TTC7B: variants seen among roughly 807,000 people sequenced by gnomAD.
TTC7B encodes the protein tetratricopeptide repeat protein 7B.
A neutral mutation model predicts 106.8 loss-of-function variants in TTC7B; 28 were observed. That is an observed-to-expected ratio of 0.26 (90% CI 0.19 to 0.36). TTC7B has a LOEUF of 0.36. Among genes scored for constraint, TTC7B ranks in the 10% least tolerant of loss-of-function variants. The pLI, the probability that TTC7B is intolerant of heterozygous loss-of-function variation, is 1.00. For synonymous variants in TTC7B, 405 were observed against 430.6 expected, an observed-to-expected ratio of 0.94 and a Z score of 0.74; for missense variants, 862 against 1,076.4, an observed-to-expected ratio of 0.80 and a Z score of 2.79.
rs1394670134 is a variant in TTC7B, at chr14:90,577,916, C to A, written c.2310+190G>T. Reference sequence around the variant, plus strand: ...CTGCTGAGGCTATACACAGCCAACTCTGGGGGTGCCATTTGCATAAACTAT... The same window carrying A: ...CTGCTGAGGCTATACACAGCCAACTATGGGGGTGCCATTTGCATAAACTAT... On this transcript the variant is annotated intron_variant, in intron 19 of 19. Transcript: ENST00000328459. This position sits in a 1 kb window ranked among gnomAD's most constrained non-coding sequence, Gnocchi z 5.0. Among the ~76,000 whole-genome samples, 1 of 152,242 alleles carries A rather than the reference C, an allele frequency of 6.6e-6. No homozygotes were observed. The highest frequency in any genetic ancestry group is 2.4e-5 in the African/African-American group (1 of 41,478).
chr14:90,695,886 T>C (rs1003634097), intron 5 of TTC7B, among the ~76,000 whole-genome samples: 1 of 150,440 alleles, frequency 6.6e-6, no homozygotes, highest in Non-Finnish European at 1.5e-5. Flanking sequence ...AATGGCTCTA[T>C]AGAGTGGGAC....
chr14:90,795,803 C>G (rs1306990825), intron 1 of TTC7B, among the ~76,000 whole-genome samples: 3 of 152,172 alleles, frequency 2.0e-5, no homozygotes, highest in Non-Finnish European at 2.9e-5. Context: ...CCGTGTTCAA[C>G]AGGCCTGCAA....
At chr14:90,728,053 C>T (rs79483210) in intron 5 of TTC7B, among the ~76,000 whole-genome samples, 215 of 152,318 alleles carry the variant, frequency 1.4e-3, no homozygotes, top group African/African-American at 5.0e-3. Context: ...TCAAAACCTC[C>T]CAACGGTTTT....
At chr14:90,619,992 A>C (rs76399832) in intron 15 of TTC7B, among the ~76,000 whole-genome samples, 62 of 152,162 alleles carry the variant, frequency 4.1e-4, no homozygotes, top group African/African-American at 1.5e-3. Flanking sequence ...TCTCTTTTTC[A>C]TGTGTGAGAG....
rs1022385042 is a variant in TTC7B at position 90,584,463 on chromosome 14, G to A, written c.2108-6155C>T. Among the ~76,000 whole-genome samples the A allele has an allele frequency of 2.0e-5, 3 of 152,224 alleles. No individual in the cohort carries two copies. The South Asian group carries it at 6.2e-4, about 31-fold the overall frequency. ...CAGCCTGGGCCCCACTGCAGGCTGT[G>A]TGCCTGGACAGGGCTGCACCAGCCT... is the stretch of plus-strand genomic sequence containing the variant. On this transcript the variant is annotated intron_variant, in intron 18 of 19. Transcript: ENST00000328459.
chr14:90,611,157 G>A (rs1366009099), intron 16 of TTC7B, among the ~76,000 whole-genome samples: 18 of 152,072 alleles, frequency 1.2e-4, no homozygotes, highest in Non-Finnish European at 4.4e-5. Flanking sequence ...GGGGGAAACC[G>A]ACTGGCATTA....
intron 7 of TTC7B, among the ~76,000 whole-genome samples, chr14:90,680,848 C>A (rs1468688191): frequency 2.0e-5 from 3 of 152,168 alleles, no homozygotes; most frequent in Admixed American, 2.0e-4. Flanking sequence ...CTAAATAATA[C>A]AAGCTTTCTC....
At chr14:90,587,596 G>A (rs747365246) in intron 18 of TTC7B, among the ~76,000 whole-genome samples, 74 of 152,208 alleles carry the variant, frequency 4.9e-4, no homozygotes, top group Non-Finnish European at 8.8e-4. Context: ...GTGTTATGAG[G>A]GGTCGCAGGG....
At chr14:90,766,403 T>G in intron 3 of TTC7B, 1 of 508,038 alleles carries the variant, frequency 2.0e-6, no homozygotes, top group Non-Finnish European at 3.5e-6. Context: ...TAAAGGAAGA[T>G]GTGGTGAAAG....
At chr14:90,641,124 T>C (rs1885152304) in intron 15 of TTC7B, among the ~76,000 whole-genome samples, 2 of 152,234 alleles carry the variant, frequency 1.3e-5, no homozygotes, top group Admixed American at 6.5e-5. Context: ...GTCTCAGCCC[T>C]GCTTGGAGTG....
intron 3 of TTC7B, among the ~76,000 whole-genome samples, chr14:90,761,528 C>T (rs1364002227): frequency 2.6e-5 from 4 of 152,228 alleles, no homozygotes; most frequent in Admixed American, 1.3e-4. Context: ...CTCTAGCCTC[C>T]GAATTTTCAG....
intron 1 of TTC7B, among the ~76,000 whole-genome samples, chr14:90,800,150 G>A (rs963251451): frequency 9.2e-5 from 14 of 152,164 alleles, no homozygotes; most frequent in African/African-American, 3.4e-4. Context: ...GTTTTTAAAA[G>A]ATGCCTCTGT....
intron 3 of TTC7B, among the ~76,000 whole-genome samples, chr14:90,775,972 A>G (rs1891014235): frequency 6.6e-6 from 1 of 151,936 alleles, no homozygotes; most frequent in South Asian, 2.1e-4. Flanking sequence ...GGAACTGTTC[A>G]TTTTGTCTCT....
intron 5 of TTC7B, among the ~76,000 whole-genome samples, chr14:90,713,407 C>A (rs888086557): frequency 6.6e-6 from 1 of 152,166 alleles, no homozygotes; most frequent in Admixed American, 6.5e-5. Flanking sequence ...TGAGCCACTG[C>A]GCCCAGCAAG....
rs144613385 is a variant in TTC7B at position 90,608,352 on chromosome 14, G to A, written c.1966+2390C>T. On this transcript the variant is annotated intron_variant, in intron 17 of 19. Transcript: ENST00000328459. This position sits in a 1 kb window ranked among gnomAD's most constrained non-coding sequence, Gnocchi z 5.1. Reference sequence around the variant, plus strand: ...CTGGTCTCTTGGTTAAATTGTCGGCGTGCAAATCAGTATTTTGCAGCTGCC... The same window carrying A: ...CTGGTCTCTTGGTTAAATTGTCGGCATGCAAATCAGTATTTTGCAGCTGCC... Among the ~76,000 whole-genome samples, 230 of 152,180 alleles carry A rather than the reference G, an allele frequency of 1.5e-3. No individual in the cohort carries two copies. Among genetic ancestry groups the A allele is most frequent in the South Asian group, 4.1e-3 (20 of 4,820 alleles).
rs901415190 is a variant in TTC7B at position 90,624,565 on chromosome 14, C to T, written c.1752-6520G>A. ...CACCCCAGTGAGTCCCAGACTTGGG[C>T]AGGGGCCAAAGATAGAGTGAAAAGG... On this transcript the variant is annotated intron_variant, in intron 15 of 19. Coordinates refer to ENST00000328459, the MANE Select transcript of TTC7B (RefSeq NM_001010854.2). This position sits in a 1 kb window ranked among gnomAD's most constrained non-coding sequence, Gnocchi z 4.0. 6.6e-6 allele frequency among the ~76,000 whole-genome samples: 1 copy of T among 152,194 alleles called. No individual in the cohort carries two copies. The highest frequency in any genetic ancestry group is 1.5e-5 in the Non-Finnish European group (1 of 68,036).
rs753094132 is a variant in TTC7B, at chr14:90,730,160, G to A, written c.613C>T (p.Pro205Ser). ...LSNIQNRSPK[P>S]GPAPHDQELG... ...TCTTGATCGTGGGGAGCAGGGCCAG[G>A]CTTAGGGCTTCTGTTTTGAATATTA... Residue 205 changes from proline (P) to serine (S), a missense_variant, in exon 5 of 20, where the codon CCT (proline) becomes TCT (serine). Coordinates refer to ENST00000328459, the MANE Select transcript of TTC7B (RefSeq NM_001010854.2). The A allele has an allele frequency of 1.2e-6, 2 of 1,611,180 alleles. No homozygotes were observed. The highest frequency in any genetic ancestry group is 1.3e-5 in the African/African-American group (1 of 74,628).
intron 12 of TTC7B, 51 bp downstream of exon 12, chr14:90,654,942 A>T: frequency 7.3e-7 from 1 of 1,372,606 alleles, no homozygotes; most frequent in Non-Finnish European, 1.0e-6. Context: ...GGGTAGACTT[A>T]GGTAGTCCAG....
chr14:90,574,725 C>T (rs200314437), intron 19 of TTC7B, among the ~76,000 whole-genome samples: 10 of 152,202 alleles, frequency 6.6e-5, no homozygotes, highest in East Asian at 5.8e-4. Context: ...TGTTCTCTGC[C>T]GTCACATCAG....
Sources: allele counts gnomAD v4.1 joint callset (sites outside exome capture counted in the v4.1 genomes callset), GRCh38; gene constraint gnomAD v4.1.1; non-coding constraint Gnocchi (gnomAD v3.1); transcripts MANE v1.5; gene names NCBI Gene and HGNC (gene_info 2026-07-23, HGNC 2026-07-21).